CA12: variants seen among roughly 807,000 people sequenced by gnomAD.
CA12 encodes the protein carbonate dehydratase XII.
CA12 carries 36 observed loss-of-function variants against 46.8 expected under a neutral mutation model. That is an observed-to-expected ratio of 0.77 (90% CI 0.59 to 1.02). CA12 has a LOEUF of 1.02. CA12 is among the 50% of genes least tolerant of loss of function. The probability of loss-of-function intolerance (pLI) is 0.00; values close to 1 mark genes in which losing one functional copy is unlikely to be tolerated. For missense variants in CA12, 436 were observed against 451.4 expected, an observed-to-expected ratio of 0.97 and a Z score of 0.31; for synonymous variants, 202 against 187.0, an observed-to-expected ratio of 1.08 and a Z score of -0.65.
At chr15:63,326,453 G>A in intron 10 of CA12, 96 bp from the exon 11 acceptor site, 1 of 945,898 alleles carries the variant, frequency 1.1e-6, no homozygotes, top group Non-Finnish European at 1.7e-6. Context: ...GTTTTTAAAA[G>A]TTGGATTCCT....
chr15:63,358,549 G>T (rs1567050406), intron 2 of CA12, among the ~76,000 whole-genome samples: 1 of 152,092 alleles, frequency 6.6e-6, no homozygotes, highest in Admixed American at 6.5e-5. Flanking sequence ...ACAAAAAAAT[G>T]CTCCCTCTCC....
chr15:63,370,775 AAAAAAAAAG>A lies in CA12; in HGVS notation c.106+4874_106+4882del, dbSNP rs746614186. Among the ~76,000 whole-genome samples, 131 of 152,028 alleles carry A rather than the reference AAAAAAAAAG, an allele frequency of 8.6e-4. 1 individual carries two copies. The highest frequency in any genetic ancestry group is 2.6e-3 in the African/African-American group (108 of 41,470). On this transcript the variant is annotated intron_variant, in intron 2 of 10. Coordinates refer to ENST00000178638, the MANE Select transcript of CA12 (RefSeq NM_001218.5). ...GTGGCAGAGCGAGACTCCATCTCAA[AAAAAAAAAG>A]AAAAAAAAGAAAAAAGAAAAACATG...
chr15:63,381,699 C>A lies in CA12; in HGVS notation c.22G>T (p.Ala8Ser). 6.2e-7 allele frequency: 1 copy of A among 1,608,366 alleles called. No homozygotes were observed. Among genetic ancestry groups the A allele is most frequent in the Non-Finnish European group, 8.5e-7 (1 of 1,177,478 alleles). Residue 8 changes from alanine to serine, a missense_variant, in exon 1 of 11, where the codon GCG (alanine) becomes TCG (serine). Coordinates refer to ENST00000178638, the MANE Select transcript of CA12 (RefSeq NM_001218.5). ...ATCACCAGCAGGAGCACGGCCGCCG[C>A]GTGCAGGCTGCGCCGGGGCATCTTC... MPRRSLHAAAVLLLVILK... is the reference protein window; with the variant it reads MPRRSLHSAAVLLLVILK...
intron 2 of CA12, among the ~76,000 whole-genome samples, 178 bp from the exon 3 acceptor site, chr15:63,346,887 C>A (rs72748934): frequency 0.027 from 4,148 of 152,336 alleles, 83 homozygotes; most frequent in Non-Finnish European, 0.039. Context: ...CACTCAGGAC[C>A]ACCTGCTCTT....
intron 4 of CA12, among the ~76,000 whole-genome samples, chr15:63,344,303 C>G (rs900551705): frequency 2.0e-5 from 3 of 152,228 alleles, no homozygotes; most frequent in African/African-American, 7.2e-5. Context: ...GCCCTTTCCC[C>G]TTTAAATATT....
rs57210378 is a variant in CA12 at position 63,328,338 on chromosome 15, C to CT, written c.875-209dup. On this transcript the variant is annotated intron_variant, in intron 8 of 10. Transcript: ENST00000178638. The surrounding 1 kb of genome is among the most constrained non-coding windows in gnomAD (Gnocchi z 5.9). ...ACTGCAATCCCTCCTTCCGATGCTC[C>CT]TTTTTTTTTTTTTTTTGAGATGGAA... Among the ~76,000 whole-genome samples the CT allele has an allele frequency of 0.14, 19,866 of 140,366 alleles. 1,790 individuals are homozygous for CT. The highest frequency in any genetic ancestry group is 0.46 in the East Asian group (2,175 of 4,752). 92.1% of individuals were successfully genotyped at this position (140,366 alleles called of 152,430 possible). A position where few individuals can be genotyped will look rare whatever the true frequency, so the allele number is the denominator to read the frequency against.
intron 2 of CA12, among the ~76,000 whole-genome samples, chr15:63,351,915 C>CTTATTT (rs1390494751): frequency 6.6e-6 from 1 of 152,218 alleles, no homozygotes; most frequent in East Asian, 1.9e-4. Flanking sequence ...CATATCCCTA[C>CTTATTT]TTATGTCTGA....
At position 63,344,312 on chromosome 15, in the gene CA12, T is replaced by C. The variant is rs1022447730; in HGVS notation, c.429+1165A>G. On this transcript the variant is annotated intron_variant, in intron 4 of 10. Coordinates refer to ENST00000178638, the MANE Select transcript of CA12 (RefSeq NM_001218.5). ...GTGTCTGCCCTTTCCCCTTTAAATA[T>C]TGAAGCCCTCAAAATCATCTTTGTA... 5.9e-5 allele frequency among the ~76,000 whole-genome samples: 9 copies of C among 152,244 alleles called. No homozygotes were observed. The South Asian group carries it at 1.0e-3, about 18-fold the overall frequency.
At chr15:63,363,683 C>T (rs1211976821) in intron 2 of CA12, among the ~76,000 whole-genome samples, 1 of 152,212 alleles carries the variant, frequency 6.6e-6, no homozygotes, top group Non-Finnish European at 1.5e-5. Flanking sequence ...AAGCCAACAC[C>T]TGATTATTAA....
chr15:63,325,263 C>A lies in CA12; in HGVS notation c.*1022G>T, dbSNP rs1259780806. 1 of 152,136 alleles carries A rather than the reference C, an allele frequency of 6.6e-6. No homozygotes were observed. Among genetic ancestry groups the A allele is most frequent in the South Asian group, 2.1e-4 (1 of 4,820 alleles). 9.4% of individuals were successfully genotyped at this position (152,136 alleles called of 1,614,324 possible). A position where few individuals can be genotyped will look rare whatever the true frequency, so the allele number is the denominator to read the frequency against. On this transcript the variant is annotated 3_prime_UTR_variant, in exon 11 of 11. Transcript: ENST00000178638. The surrounding 1 kb of genome is among the most constrained non-coding windows in gnomAD (Gnocchi z 4.9). ...CAGAAGTGGCTGAAATGAAATTTGG[C>A]CTACAGAGAATAAGTTCTACAGTCA...
chr15:63,367,516 A>G (rs2039451354), intron 2 of CA12, among the ~76,000 whole-genome samples: 2 of 152,212 alleles, frequency 1.3e-5, no homozygotes, highest in South Asian at 2.1e-4. Context: ...TCTCACTGTC[A>G]TCATTACCTA....
intron 1 of CA12, among the ~76,000 whole-genome samples, chr15:63,376,057 C>T (rs1369206980): frequency 6.6e-6 from 1 of 152,174 alleles, no homozygotes; most frequent in African/African-American, 2.4e-5. Context: ...GATCCGCCTG[C>T]CTTGGTCTCC....
At position 63,327,705 on chromosome 15, in the gene CA12, A is replaced by G. The variant is rs200696961; in HGVS notation, c.907+393T>C. Among the ~76,000 whole-genome samples, 57 of 152,254 alleles carry G rather than the reference A, an allele frequency of 3.7e-4. No homozygotes were observed. In the East Asian group the frequency reaches 9.8e-3, roughly 26 times the overall value. ...GATTTAAGGCCCATTGGCTGTCTCC[A>G]TCAGTTTTGCCCCCAAGTTCCATTG... On this transcript the variant is annotated intron_variant, in intron 9 of 10. Transcript: ENST00000178638. The surrounding 1 kb of genome is among the most constrained non-coding windows in gnomAD (Gnocchi z 4.5).
rs749181864 is a variant in CA12, at chr15:63,345,530, T to G, written c.376A>C (p.Asn126His). Residue 126 changes from asparagine to histidine, a missense_variant, in exon 4 of 11, where the codon AAT (asparagine) becomes CAT (histidine). Coordinates refer to ENST00000178638, the MANE Select transcript of CA12 (RefSeq NM_001218.5). The surrounding 1 kb of genome is among the most constrained non-coding windows in gnomAD (Gnocchi z 4.3). ...GTGTGCTCAGAGCCGTGCGGGTCAT[T>G]CGGGTTCCCCCAGTGCAGGTGCAGC... ...TQLHLHWGNP[N>H]DPHGSEHTVS... is the part of the protein sequence containing the mutation. 1 of 1,612,778 alleles carries G rather than the reference T, an allele frequency of 6.2e-7. No homozygotes were observed. Among genetic ancestry groups the G allele is most frequent in the Non-Finnish European group, 8.5e-7 (1 of 1,180,024 alleles).
intron 2 of CA12, among the ~76,000 whole-genome samples, chr15:63,347,103 C>T (rs1366308469): frequency 6.6e-6 from 1 of 152,256 alleles, no homozygotes; most frequent in Non-Finnish European, 1.5e-5. Flanking sequence ...TACAATAGAG[C>T]CCCTGCTCAT....
rs369453742 is a variant in CA12, at chr15:63,338,952, G to C, written c.748-7C>G. 1 of 1,614,148 alleles carries C rather than the reference G, an allele frequency of 6.2e-7. No individual in the cohort carries two copies. The highest frequency in any genetic ancestry group is 1.1e-5 in the South Asian group (1 of 91,066). On this transcript the variant is annotated splice_polypyrimidine_tract_variant and splice_region_variant and intron_variant, in intron 7 of 10. Coordinates refer to ENST00000178638, the MANE Select transcript of CA12 (RefSeq NM_001218.5). ...CTGTCTCCAAAGCCAGCAGCTGAGGGCAAGAGCAGAAATAGCCCGCAGGCA... is the reference window on the plus strand; with the variant it reads ...CTGTCTCCAAAGCCAGCAGCTGAGGCCAAGAGCAGAAATAGCCCGCAGGCA...
At chr15:63,368,579 A>G (rs1292996762) in intron 2 of CA12, among the ~76,000 whole-genome samples, 1 of 152,196 alleles carries the variant, frequency 6.6e-6, no homozygotes. Context: ...AGGGCAGCAC[A>G]CTGGCTCCTC....
intron 2 of CA12, among the ~76,000 whole-genome samples, chr15:63,352,619 C>G (rs888508513): frequency 6.6e-6 from 1 of 152,166 alleles, no homozygotes; most frequent in Non-Finnish European, 1.5e-5. Context: ...TGCCTGGGCC[C>G]AAGCTCCAGG....
intron 2 of CA12, among the ~76,000 whole-genome samples, chr15:63,369,592 A>G (rs1278356750): frequency 6.6e-6 from 1 of 152,154 alleles, no homozygotes; most frequent in Non-Finnish European, 1.5e-5. Flanking sequence ...ATGGGCTGAG[A>G]ATTTGCATTT....
Sources: gnomAD v4.1 joint callset for allele counts (sites outside exome capture counted in the v4.1 genomes callset) on GRCh38, gnomAD v4.1.1 for gene constraint, Gnocchi (gnomAD v3.1) non-coding constraint, MANE v1.5 for transcripts, NCBI Gene and HGNC (gene_info 2026-07-23, HGNC 2026-07-21) for gene names.